Variants in DGKG observed in about 807,000 individuals in gnomAD.
DGKG encodes the protein DAG kinase gamma.
In DGKG, 78 loss-of-function variants were observed where a neutral mutation model predicts 105.3. The ratio of observed to expected loss-of-function variants is 0.74; its 90% confidence interval spans 0.62 to 0.89. The LOEUF (loss-of-function observed/expected upper bound fraction) is 0.89. Ranked by LOEUF, DGKG falls within the 40% of genes least tolerant of loss-of-function variation. The pLI is 0.00. For synonymous variants in DGKG, 346 were observed against 367.1 expected, an observed-to-expected ratio of 0.94 and a Z score of 0.66; for missense variants, 958 against 1,020.1, an observed-to-expected ratio of 0.94 and a Z score of 0.83.
chr3:186,287,722 T>G (rs1723133928), intron 6 of DGKG, among the ~76,000 whole-genome samples: 1 of 152,256 alleles, frequency 6.6e-6, no homozygotes, highest in South Asian at 2.1e-4. Context: ...GACTTGCAAT[T>G]GTTAACACTT....
chr3:186,168,639 G>A (rs954446259), intron 22 of DGKG, among the ~76,000 whole-genome samples: 8 of 152,180 alleles, frequency 5.3e-5, no homozygotes, highest in East Asian at 1.9e-4. Flanking sequence ...CTGAGATCAG[G>A]AGTTCAAGAC....
At chr3:186,251,611 C>T in intron 19 of DGKG, 148 bp downstream of exon 19, 2 of 806,824 alleles carry the variant, frequency 2.5e-6, no homozygotes, top group Non-Finnish European at 3.9e-6. Context: ...CACACTCAGG[C>T]CAAGTTTCAG....
At chr3:186,272,770 G>C (rs1296963591) in intron 10 of DGKG, among the ~76,000 whole-genome samples, 1 of 152,198 alleles carries the variant, frequency 6.6e-6, no homozygotes, top group Non-Finnish European at 1.5e-5. Flanking sequence ...CCAAGCTGGA[G>C]TGCAATGGTG....
chr3:186,163,686 G>T (rs1034956725), intron 23 of DGKG, among the ~76,000 whole-genome samples: 8 of 151,968 alleles, frequency 5.3e-5, no homozygotes, highest in Non-Finnish European at 1.2e-4. Flanking sequence ...CACCCCCTCT[G>T]TTTCTATCTG....
In DGKG at chr3:186,254,628, G is replaced by T. The variant is rs532705463; in HGVS notation, c.1511-1446C>A. ...ATTCACATATCACATTCTATGTGTT[G>T]TCTCCTTACTAGATCTCCAAGCAAT... On this transcript the variant is annotated intron_variant, in intron 17 of 24. Transcript: ENST00000265022. Among the ~76,000 whole-genome samples, 19 of 152,068 alleles carry T rather than the reference G, an allele frequency of 1.2e-4. No homozygotes were observed. In the South Asian group the frequency reaches 3.7e-3, roughly 30 times the overall value.
Position 186,149,895 on chromosome 3 carries a change from T to C in DGKG, c.*195A>G. 1 of 1,399,900 alleles carries C rather than the reference T, an allele frequency of 7.1e-7. No individual in the cohort carries two copies. Among genetic ancestry groups the C allele is most frequent in the Non-Finnish European group, 9.2e-7 (1 of 1,081,724 alleles). 86.7% of individuals were successfully genotyped at this position (1,399,900 alleles called of 1,614,324 possible). A position where few individuals can be genotyped will look rare whatever the true frequency, so the allele number is the denominator to read the frequency against. On this transcript the variant is annotated 3_prime_UTR_variant, in exon 25 of 25. Transcript: ENST00000265022. ...TTGTTGGCACTGGCTCTGTTAGGGG[T>C]GTACCCACTGTTGAAACAGAATGTA... is the stretch of plus-strand genomic sequence containing the variant.
intron 20 of DGKG, among the ~76,000 whole-genome samples, chr3:186,219,700 G>A (rs546236444): frequency 6.6e-6 from 1 of 152,068 alleles, no homozygotes; most frequent in East Asian, 1.9e-4. Flanking sequence ...AGAGTGGGCA[G>A]AAAGATGGAG....
intron 22 of DGKG, among the ~76,000 whole-genome samples, chr3:186,168,924 G>T (rs766743595): frequency 2.8e-4 from 42 of 152,138 alleles, no homozygotes; most frequent in African/African-American, 9.4e-4. Context: ...CACTGAAAAC[G>T]TAAACTGATA....
At chr3:186,212,319 G>A (rs1425510412) in intron 20 of DGKG, among the ~76,000 whole-genome samples, 2 of 152,206 alleles carry the variant, frequency 1.3e-5, no homozygotes, top group African/African-American at 2.4e-5. Context: ...AAGACTTGAG[G>A]GATGTGCAGT....
chr3:186,245,609 T>C (rs969485652), intron 19 of DGKG, among the ~76,000 whole-genome samples: 19 of 152,230 alleles, frequency 1.2e-4, no homozygotes, highest in African/African-American at 4.6e-4. Context: ...TACAAATCCA[T>C]GGAAGTGATG....
chr3:186,261,780 T>C lies in DGKG; in HGVS notation c.1270-2A>G. ...ACCCGGGGTGGGGATGATCTTATACTTGAAAGGTAAAAGAAAAAGAAATTA... is the reference window on the plus strand; with the variant it reads ...ACCCGGGGTGGGGATGATCTTATACCTGAAAGGTAAAAGAAAAAGAAATTA... On this transcript the variant is annotated splice_acceptor_variant, in intron 14 of 24. Transcript: ENST00000265022. LOFTEE classifies it high-confidence loss of function. 6.3e-7 allele frequency: 1 copy of C among 1,587,196 alleles called. No individual in the cohort carries two copies. The highest frequency in any genetic ancestry group is 8.6e-7 in the Non-Finnish European group (1 of 1,163,896).
At chr3:186,338,169 CA>C (rs34436386) in intron 1 of DGKG, among the ~76,000 whole-genome samples, 627 of 75,814 alleles carry the variant, frequency 8.3e-3, no homozygotes, top group African/African-American at 0.018. Context: ...GACCCTATCT[CA>C]AAAAAAAAAA....
In DGKG at chr3:186,284,400, A is replaced by T. The variant is rs920637432; in HGVS notation, c.594+260T>A. Among the ~76,000 whole-genome samples, 7 of 152,184 alleles carry T rather than the reference A, an allele frequency of 4.6e-5. No homozygotes were observed. The highest frequency in any genetic ancestry group is 1.7e-4 in the African/African-American group (7 of 41,454). ...TGAATGGGAAGTTAAACTAGGTGAC[A>T]TGCTAAAGCATCCCTCCATCCTGAG... is the stretch of plus-strand genomic sequence containing the variant. On this transcript the variant is annotated intron_variant, in intron 7 of 24. Coordinates refer to ENST00000265022, the MANE Select transcript of DGKG (RefSeq NM_001346.3). The surrounding 1 kb of genome is among the most constrained non-coding windows in gnomAD (Gnocchi z 4.0).
At chr3:186,348,428 A>C (rs1368561379) in intron 1 of DGKG, among the ~76,000 whole-genome samples, 2 of 140,094 alleles carry the variant, frequency 1.4e-5, no homozygotes, top group Non-Finnish European at 3.1e-5. Flanking sequence ...CAAATTACTG[A>C]ATAGAGAATT....
intron 1 of DGKG, among the ~76,000 whole-genome samples, chr3:186,355,168 C>CA (rs1414925138): frequency 0.077 from 2,427 of 31,600 alleles, 103 homozygotes; most frequent in African/African-American, 0.25. Flanking sequence ...CCACCATCAC[C>CA]CCCACAACTA....
intron 1 of DGKG, among the ~76,000 whole-genome samples, chr3:186,324,701 A>G (rs922547601): frequency 1.3e-5 from 2 of 152,248 alleles, no homozygotes; most frequent in African/African-American, 4.8e-5. Context: ...GATACTGGTG[A>G]GGCTTTGGAG....
chr3:186,264,642 T>A (rs1355890124), intron 14 of DGKG, among the ~76,000 whole-genome samples: 1 of 152,158 alleles, frequency 6.6e-6, no homozygotes, highest in South Asian at 2.1e-4. Flanking sequence ...AGGGCAGGGA[T>A]TACTGTGTCT....
rs1477407724 is a variant in DGKG, at chr3:186,210,208, C to T, written c.1917+1587G>A. Among the ~76,000 whole-genome samples the T allele has an allele frequency of 1.3e-5, 2 of 152,174 alleles. No homozygotes were observed. Among genetic ancestry groups the T allele is most frequent in the African/African-American group, 4.8e-5 (2 of 41,454 alleles). The stretch of plus-strand genomic sequence containing the variant: ...GCAGGGAGAACAAGCAGTCGCTGTG[C>T]GCCTGCAGCTGGCTGTGGTTAGGCC... On this transcript the variant is annotated intron_variant, in intron 21 of 24. Transcript: ENST00000265022. The surrounding 1 kb of genome is among the most constrained non-coding windows in gnomAD (Gnocchi z 5.2).
intron 19 of DGKG, among the ~76,000 whole-genome samples, chr3:186,249,456 T>C (rs1319832905): frequency 6.6e-6 from 1 of 152,218 alleles, no homozygotes; most frequent in African/African-American, 2.4e-5. Context: ...TCTGTGAATT[T>C]GGTAAATTTT....
Sources: allele counts gnomAD v4.1 joint callset (sites outside exome capture counted in the v4.1 genomes callset), GRCh38; gene constraint gnomAD v4.1.1; non-coding constraint Gnocchi (gnomAD v3.1); transcripts MANE v1.5; gene names NCBI Gene and HGNC (gene_info 2026-07-23, HGNC 2026-07-21).